The following METTL15 variants were observed in gnomAD, a reference collection of about 807,000 sequenced individuals.
The protein encoded by METTL15 is 12S rRNA N(4)-cytidine methyltransferase METTL15.
METTL15 carries 34 observed loss-of-function variants against 38.3 expected under a neutral mutation model. The ratio of observed to expected loss-of-function variants is 0.89; its 90% CI spans 0.68 to 1.18. The LOEUF is 1.18. Ranked by LOEUF, METTL15 falls within the 50% of genes most tolerant of loss-of-function variation. The pLI, the probability that METTL15 is intolerant of heterozygous loss-of-function variation, is 0.00. For synonymous variants in METTL15, 162 were observed against 170.9 expected, an observed-to-expected ratio of 0.95 and a Z score of 0.41; for missense variants, 438 against 498.4, an observed-to-expected ratio of 0.88 and a Z score of 1.15.
intron 4 of METTL15, among the ~76,000 whole-genome samples, chr11:28,277,367 A>G (rs1205280757): frequency 6.6e-6 from 1 of 152,186 alleles, no homozygotes; most frequent in African/African-American, 2.4e-5. Context: ...AGGAAAATGT[A>G]TGTGTATGCA....
intron 6 of METTL15, among the ~76,000 whole-genome samples, chr11:28,302,488 C>T (rs537376017): frequency 2.0e-5 from 3 of 152,162 alleles, no homozygotes; most frequent in South Asian, 2.1e-4. Flanking sequence ...AGGTCTTTCC[C>T]GTGCTGTTCT....
At chr11:28,269,866 T>C (rs1399581354) in intron 4 of METTL15, among the ~76,000 whole-genome samples, 1 of 152,244 alleles carries the variant, frequency 6.6e-6, no homozygotes, top group Non-Finnish European at 1.5e-5. Context: ...TCTGCCAGTG[T>C]ATTTTAAATT....
At chr11:28,403,558 A>G (rs1190405997) in intron 5 of METTL15, among the ~76,000 whole-genome samples, 1 of 152,022 alleles carries the variant, frequency 6.6e-6, no homozygotes, top group Non-Finnish European at 1.5e-5. Context: ...TACAGGAGAA[A>G]ACAATATATG....
chr11:28,512,372 C>T (rs983269782), intron 6 of METTL15, among the ~76,000 whole-genome samples: 2 of 152,306 alleles, frequency 1.3e-5, no homozygotes, highest in African/African-American at 2.4e-5. Context: ...GACTGGGCAC[C>T]GTGGAGCAGG....
At chr11:28,282,033 A>G (rs1023061835) in intron 4 of METTL15, among the ~76,000 whole-genome samples, 4 of 152,242 alleles carry the variant, frequency 2.6e-5, no homozygotes, top group Admixed American at 2.6e-4. Context: ...TCAGTTTTTA[A>G]AAAGTATTTC....
chr11:28,518,776 GC>G (rs1399615059), intron 6 of METTL15, among the ~76,000 whole-genome samples: 1 of 152,182 alleles, frequency 6.6e-6, no homozygotes, highest in Non-Finnish European at 1.5e-5. Flanking sequence ...AATATCAGAA[GC>G]CCCCCAGAAG....
intron 5 of METTL15, among the ~76,000 whole-genome samples, chr11:28,392,403 A>G (rs1404592881): frequency 6.6e-6 from 1 of 152,082 alleles, no homozygotes; most frequent in Non-Finnish European, 1.5e-5. Context: ...GACTCATGGA[A>G]CAGAATAGAA....
intron 6 of METTL15, among the ~76,000 whole-genome samples, chr11:28,450,003 C>A (rs1851107009): frequency 6.6e-6 from 1 of 152,054 alleles, no homozygotes; most frequent in Admixed American, 6.5e-5. Context: ...AAATTGAGAG[C>A]AAAATAAAAT....
intron 6 of METTL15, among the ~76,000 whole-genome samples, chr11:28,307,375 C>T (rs1312310336): frequency 1.3e-5 from 2 of 151,858 alleles, no homozygotes; most frequent in Admixed American, 6.6e-5. Flanking sequence ...AATAGATGCT[C>T]AATCAATATT....
chr11:28,465,784 G>A (rs183648482), intron 6 of METTL15, among the ~76,000 whole-genome samples: 2 of 152,124 alleles, frequency 1.3e-5, no homozygotes, highest in East Asian at 1.9e-4. Context: ...TCTTTGTTGT[G>A]GGGGCGCTCC....
At chr11:28,140,313 A>G (rs1245175040) in intron 3 of METTL15, among the ~76,000 whole-genome samples, 1 of 152,150 alleles carries the variant, frequency 6.6e-6, no homozygotes, top group Non-Finnish European at 1.5e-5. Context: ...CAAAAGAAGG[A>G]AAATACTGTA....
At chr11:28,139,851 G>T (rs1007994660) in intron 3 of METTL15, among the ~76,000 whole-genome samples, 1 of 152,180 alleles carries the variant, frequency 6.6e-6, no homozygotes, top group Non-Finnish European at 1.5e-5. Context: ...GCAGGATGGA[G>T]AAAATGCCTG....
At chr11:28,152,072 C>G (rs1850109417) in intron 3 of METTL15, among the ~76,000 whole-genome samples, 1 of 151,942 alleles carries the variant, frequency 6.6e-6, no homozygotes, top group African/African-American at 2.4e-5. Context: ...ACTTTTATTT[C>G]CCAAGACTTT....
intron 4 of METTL15, among the ~76,000 whole-genome samples, chr11:28,259,441 C>G (rs377355643): frequency 1.1e-3 from 163 of 152,302 alleles, no homozygotes; most frequent in African/African-American, 2.2e-3. Context: ...CAGTTCAACA[C>G]TAGGACATGC....
chr11:28,158,867 C>T (rs1471535388), intron 3 of METTL15, among the ~76,000 whole-genome samples: 2 of 152,126 alleles, frequency 1.3e-5, no homozygotes, highest in South Asian at 4.1e-4. Flanking sequence ...AACTAGGTGA[C>T]AATCCTTTGC....
intron 3 of METTL15, among the ~76,000 whole-genome samples, chr11:28,193,696 A>G (rs867782693): frequency 2.6e-5 from 4 of 152,154 alleles, no homozygotes; most frequent in African/African-American, 9.7e-5. Flanking sequence ...GTGTACCGAA[A>G]ATCATATCAT....
chr11:28,193,227 T>G (rs1420296770), intron 3 of METTL15, among the ~76,000 whole-genome samples: 4 of 152,110 alleles, frequency 2.6e-5, no homozygotes. Context: ...GTTCTCACAC[T>G]GCTATAAAGA....
At chr11:28,454,961 G>A (rs1400419175) in intron 6 of METTL15, among the ~76,000 whole-genome samples, 2 of 152,144 alleles carry the variant, frequency 1.3e-5, no homozygotes, top group Non-Finnish European at 2.9e-5. Flanking sequence ...CTCAGGTGGT[G>A]TCATTAGAAT....
chr11:28,507,686 G>A (rs1851640238), intron 6 of METTL15, among the ~76,000 whole-genome samples: 1 of 151,998 alleles, frequency 6.6e-6, no homozygotes, highest in African/African-American at 2.4e-5. Flanking sequence ...TTTTTCAGAT[G>A]TGCTTAGTTT....
Sources: gnomAD v4.1 joint callset for allele counts (sites outside exome capture counted in the v4.1 genomes callset) on GRCh38, gnomAD v4.1.1 for gene constraint, MANE v1.5 for transcripts, NCBI Gene and HGNC (gene_info 2026-07-23, HGNC 2026-07-21) for gene names.